SLC15A1: variants seen among roughly 807,000 people sequenced by gnomAD.
SLC15A1 encodes the protein solute carrier family 15 member 1.
In SLC15A1, 83 loss-of-function variants were observed where a neutral mutation model predicts 92.9. That is an observed-to-expected ratio of 0.89 (90% CI 0.75 to 1.07). The LOEUF is 1.07. Ranked by LOEUF, SLC15A1 falls within the 50% of genes least tolerant of loss-of-function variation. The pLI, the probability that SLC15A1 is intolerant of heterozygous loss-of-function variation, is 0.00. For missense variants in SLC15A1, 857 were observed against 880.1 expected, an observed-to-expected ratio of 0.97 and a Z score of 0.33; for synonymous variants, 322 against 318.2, an observed-to-expected ratio of 1.01 and a Z score of -0.13.
Position 98,752,600 on chromosome 13 carries a change from G to T in SLC15A1, c.-2C>A. On this transcript the variant is annotated 5_prime_UTR_variant, in exon 1 of 23. Transcript: ENST00000376503. ...CCCCCACCCGCCGAGCGTACCCATG[G>T]CGGCGGCTCCCAGGGCTCCTGCGAC... The T allele has an allele frequency of 8.0e-7, 1 of 1,256,342 alleles. No homozygotes were observed. Among genetic ancestry groups the T allele is most frequent in the South Asian group, 3.2e-5 (1 of 31,288 alleles). 77.8% of individuals were successfully genotyped at this position (1,256,342 alleles called of 1,614,324 possible).
intron 14 of SLC15A1, 46 bp downstream of exon 14, chr13:98,709,526 C>G: frequency 6.5e-7 from 1 of 1,549,500 alleles, no homozygotes; most frequent in East Asian, 2.2e-5. Context: ...CTGCAAAGCC[C>G]TGGGACCAAG....
In SLC15A1 at chr13:98,724,059, G is replaced by T. The variant is rs779555417; in HGVS notation, c.246-28C>A. ...GTGTTTCCAAAGATTAAGAGAATCCGAGTTAATTGCACAATAGCCATCCAC... is the reference window on the plus strand; with the variant it reads ...GTGTTTCCAAAGATTAAGAGAATCCTAGTTAATTGCACAATAGCCATCCAC... On this transcript the variant is annotated intron_variant, in intron 4 of 22. Coordinates refer to ENST00000376503, the MANE Select transcript of SLC15A1 (RefSeq NM_005073.4). 8 of 1,612,546 alleles carry T rather than the reference G, an allele frequency of 5.0e-6. No homozygotes were observed. The South Asian group carries it at 7.7e-5, about 16-fold the overall frequency.
chr13:98,749,973 G>A lies in SLC15A1; in HGVS notation c.4+2622C>T, dbSNP rs548375474. ...GAGAAGTTGCCACAGAGACCACCTG[G>A]CCCCCAGGACCCGAAGCATTTCCTA... On this transcript the variant is annotated intron_variant, in intron 1 of 22. Transcript: ENST00000376503. Among the ~76,000 whole-genome samples, 15 of 152,116 alleles carry A rather than the reference G, an allele frequency of 9.9e-5. No individual in the cohort carries two copies. In the South Asian group the frequency reaches 3.1e-3, roughly 32 times the overall value.
chr13:98,745,634 C>T (rs575088241), intron 1 of SLC15A1, among the ~76,000 whole-genome samples: 1 of 152,288 alleles, frequency 6.6e-6, no homozygotes, highest in South Asian at 2.1e-4. Context: ...ACCAGCCACA[C>T]CAGAAGCAAG....
chr13:98,705,417 A>G (rs1228609389), intron 16 of SLC15A1, among the ~76,000 whole-genome samples: 1 of 152,080 alleles, frequency 6.6e-6, no homozygotes, highest in Non-Finnish European at 1.5e-5. Flanking sequence ...TGGCTTCTAC[A>G]TGAGATGCCA....
At chr13:98,718,156 A>C (rs1028614390) in intron 8 of SLC15A1, among the ~76,000 whole-genome samples, 1 of 152,030 alleles carries the variant, frequency 6.6e-6, no homozygotes, top group African/African-American at 2.4e-5. Flanking sequence ...CAATTATGGA[A>C]ATGTAGATGT....
chr13:98,742,046 G>A (rs1438845439), intron 1 of SLC15A1, among the ~76,000 whole-genome samples: 1 of 152,218 alleles, frequency 6.6e-6, no homozygotes, highest in Admixed American at 6.5e-5. Flanking sequence ...TTGCACGTGG[G>A]CCACTGGGCC....
rs1003721535 is a variant in SLC15A1, at chr13:98,717,583, A to T, written c.641-1623T>A. ...GAAATGCTCTCTGTCTCCTGCCAAG[A>T]ATTAGAGAGGAGGAGGTATCAATGA... On this transcript the variant is annotated intron_variant, in intron 8 of 22. Transcript: ENST00000376503. 8.5e-5 allele frequency among the ~76,000 whole-genome samples: 13 copies of T among 152,158 alleles called. 1 individual carries two copies. Among genetic ancestry groups the T allele is most frequent in the Non-Finnish European group, 4.4e-5 (3 of 68,024 alleles).
At chr13:98,714,059 G>GAAA (rs56096468) in intron 9 of SLC15A1, among the ~76,000 whole-genome samples, 4 of 134,448 alleles carry the variant, frequency 3.0e-5, no homozygotes, top group Non-Finnish European at 3.2e-5. Context: ...TCTCAAAAAG[G>GAAA]AAAAAAAAAA....
At position 98,723,965 on chromosome 13, in the gene SLC15A1, AT is replaced by A; in HGVS notation, c.311del (p.Asn104MetfsTer23). 6.2e-7 allele frequency: 1 copy of A among 1,614,224 alleles called. No individual in the cohort carries two copies. Among genetic ancestry groups the A allele is most frequent in the Non-Finnish European group, 8.5e-7 (1 of 1,180,034 alleles). ...CATCATGGTTGTGGTCTGTGAGGTC[AT>A]TAATGGAGCTTACTGAGGTGACTGC... Reference protein sequence around the residue: ...GQAVTSVSSINDLTDHNHDGT... With the variant: ...GQAVTSVSSIXDLTDHNHDGT... On this transcript the variant is annotated frameshift_variant, in exon 5 of 23. Transcript: ENST00000376503. LOFTEE classifies it high-confidence loss of function.
At chr13:98,718,619 C>G (rs767734958) in intron 8 of SLC15A1, among the ~76,000 whole-genome samples, 20 of 152,036 alleles carry the variant, frequency 1.3e-4, no homozygotes, top group Non-Finnish European at 2.4e-4. Context: ...GTGCTCGAGA[C>G]CAGCCTGGCC....
chr13:98,725,827 C>G (rs375566063), intron 4 of SLC15A1, among the ~76,000 whole-genome samples: 1 of 152,082 alleles, frequency 6.6e-6, no homozygotes, highest in African/African-American at 2.4e-5. Flanking sequence ...GGGGCTCAAG[C>G]GGATCCTCCC....
At position 98,743,493 on chromosome 13, in the gene SLC15A1, C is replaced by T. The variant is rs144693748; in HGVS notation, c.4+9102G>A. Among the ~76,000 whole-genome samples the T allele has an allele frequency of 1.6e-3, 248 of 152,294 alleles. 1 individual carries two copies. The highest frequency in any genetic ancestry group is 3.4e-3 in the Middle Eastern group (1 of 294). ...CTCTCTGGGACCCAGGATCCAGCCACCTTTGGACATGCTGACAGACAGTTG... is the reference window on the plus strand; with the variant it reads ...CTCTCTGGGACCCAGGATCCAGCCATCTTTGGACATGCTGACAGACAGTTG... On this transcript the variant is annotated intron_variant, in intron 1 of 22. Coordinates refer to ENST00000376503, the MANE Select transcript of SLC15A1 (RefSeq NM_005073.4).
intron 18 of SLC15A1, among the ~76,000 whole-genome samples, chr13:98,698,412 G>C (rs1366904586): frequency 6.6e-6 from 1 of 152,096 alleles, no homozygotes; most frequent in Admixed American, 6.6e-5. Flanking sequence ...ACCACCATTT[G>C]TATTAGTAAG....
In SLC15A1 at chr13:98,684,100, AGTCCAAAATAACATCATTT is replaced by A. The variant is rs1451083858; in HGVS notation, c.*605_*623del. 6.6e-6 allele frequency: 1 copy of A among 152,304 alleles called. No individual in the cohort carries two copies. The highest frequency in any genetic ancestry group is 2.4e-5 in the African/African-American group (1 of 41,448). The allele number at this position is 152,304 out of a possible 1,614,324, so 9.4% of individuals were successfully genotyped here. ...TTTGTTACCATTTCAAAATTAAGCT[AGTCCAAAATAACATCATTT>A]GTGTGATAGGGAAGATGACCAATGT... is the stretch of plus-strand genomic sequence containing the variant. On this transcript the variant is annotated 3_prime_UTR_variant, in exon 23 of 23. Transcript: ENST00000376503.
intron 11 of SLC15A1, 107 bp from the exon 12 acceptor site, chr13:98,710,018 T>C (rs2088148546): frequency 1.9e-6 from 2 of 1,060,150 alleles, no homozygotes; most frequent in Non-Finnish European, 2.9e-6. Context: ...TGACATGTTA[T>C]GGGATTTAAA....
intron 18 of SLC15A1, 61 bp downstream of exon 18, chr13:98,702,419 T>C: frequency 9.4e-7 from 1 of 1,069,086 alleles, no homozygotes; most frequent in Non-Finnish European, 1.5e-6. Context: ...GACTTTACTA[T>C]GGGTATGCAT....
chr13:98,701,736 TCTCAG>T (rs2088069744), intron 18 of SLC15A1, among the ~76,000 whole-genome samples: 1 of 148,826 alleles, frequency 6.7e-6, no homozygotes, highest in South Asian at 2.1e-4. Context: ...AGCAGCACGA[TCTCAG>T]CTCACTGCAA....
intron 18 of SLC15A1, among the ~76,000 whole-genome samples, chr13:98,695,162 T>G (rs1445979611): frequency 1.3e-5 from 2 of 152,258 alleles, no homozygotes; most frequent in Non-Finnish European, 2.9e-5. Flanking sequence ...AAAATGTGCT[T>G]AACAACGTGT....
Sources: gnomAD v4.1 joint callset for allele counts (sites outside exome capture counted in the v4.1 genomes callset) on GRCh38, gnomAD v4.1.1 for gene constraint, MANE v1.5 for transcripts, NCBI Gene and HGNC (gene_info 2026-07-23, HGNC 2026-07-21) for gene names.